SEMA3A: variants seen among roughly 807,000 people sequenced by gnomAD.
SEMA3A encodes the protein semaphorin 3A, also known as semaphorin-3A.
A neutral mutation model predicts 97.9 loss-of-function variants in SEMA3A; 29 were observed. The ratio of observed to expected loss-of-function variants is 0.30; its 90% CI spans 0.22 to 0.40. SEMA3A has a LOEUF of 0.40. SEMA3A is among the 10% of genes least tolerant of loss of function. The pLI is 1.00. For synonymous variants in SEMA3A, 321 were observed against 323.7 expected (o/e 0.99, Z 0.09); for missense variants, 763 against 951.3 (o/e 0.80, Z 2.60).
At chr7:84,082,231 T>C (rs1462268786) in intron 4 of SEMA3A, among the ~76,000 whole-genome samples, 2 of 152,194 alleles carry the variant, frequency 1.3e-5, no homozygotes, top group Non-Finnish European at 2.9e-5. Context: ...GCAAGAGGTA[T>C]ATGATTTTGA....
At chr7:84,171,804 AC>A (rs1797391318) in intron 1 of SEMA3A, among the ~76,000 whole-genome samples, 1 of 151,988 alleles carries the variant, frequency 6.6e-6, no homozygotes, top group African/African-American at 2.4e-5. Flanking sequence ...AATATTTTAA[AC>A]TTTTTTTACT....
chr7:84,216,871 T>G (rs1276230399), intron 3 of SEMA3A, among the ~76,000 whole-genome samples: 1 of 152,166 alleles, frequency 6.6e-6, no homozygotes, highest in Non-Finnish European at 1.5e-5. Flanking sequence ...CATTATGCTT[T>G]ACTTAGCATT....
chr7:84,228,256 A>C (rs2116350079), intron 3 of SEMA3A, among the ~76,000 whole-genome samples: 1 of 152,170 alleles, frequency 6.6e-6, no homozygotes, highest in Non-Finnish European at 1.5e-5. Context: ...AAATAGAAAT[A>C]ATCTTAACCA....
chr7:84,458,291 A>C (rs918626147), intron 1 of SEMA3A, among the ~76,000 whole-genome samples: 1 of 152,012 alleles, frequency 6.6e-6, no homozygotes, highest in African/African-American at 2.4e-5. Context: ...TGTTAATTTA[A>C]CATGTACACC....
intron 3 of SEMA3A, among the ~76,000 whole-genome samples, chr7:84,243,536 T>C (rs757007041): frequency 1.4e-4 from 22 of 152,180 alleles, no homozygotes; most frequent in Admixed American, 3.3e-4. Context: ...TTCTTCTCTC[T>C]CTTCTTCTTT....
intron 6 of SEMA3A, among the ~76,000 whole-genome samples, chr7:84,023,153 G>T (rs559550472): frequency 6.6e-6 from 1 of 152,220 alleles, no homozygotes; most frequent in African/African-American, 2.4e-5. Flanking sequence ...TGTCCTTCAG[G>T]TGCAATCTTA....
chr7:84,226,966 A>T (rs1206164900), intron 3 of SEMA3A, among the ~76,000 whole-genome samples: 1 of 152,044 alleles, frequency 6.6e-6, no homozygotes, highest in Non-Finnish European at 1.5e-5. Flanking sequence ...TTAACGCTTG[A>T]GGATTTTTCT....
At chr7:84,330,677 T>C (rs1219534966) in intron 2 of SEMA3A, among the ~76,000 whole-genome samples, 1 of 152,140 alleles carries the variant, frequency 6.6e-6, no homozygotes, top group Non-Finnish European at 1.5e-5. Context: ...GTACATGGGA[T>C]ATGGTAGTTG....
intron 3 of SEMA3A, among the ~76,000 whole-genome samples, chr7:84,256,994 G>A (rs11976376): frequency 6.6e-5 from 10 of 151,640 alleles, no homozygotes; most frequent in Admixed American, 1.3e-4. Context: ...GTTTTCTCAC[G>A]GCATAGGTAT....
At chr7:84,459,476 G>C (rs1474649305) in intron 1 of SEMA3A, among the ~76,000 whole-genome samples, 1 of 152,056 alleles carries the variant, frequency 6.6e-6, no homozygotes, top group Non-Finnish European at 1.5e-5. Context: ...TGTAATCTTT[G>C]TAGCAGGTAA....
At chr7:84,415,705 G>A (rs75291368) in intron 1 of SEMA3A, among the ~76,000 whole-genome samples, 3,989 of 152,052 alleles carry the variant, frequency 0.026, 163 homozygotes, top group African/African-American at 0.09. Flanking sequence ...AATGAAATAT[G>A]TAGCATGTTT....
Position 84,019,181 on chromosome 7 carries a change from G to T in SEMA3A, c.668-4830C>A, listed in dbSNP as rs542169651. ...AAAGAAACTTCTGATTTGAATAATT[G>T]CTTGTAGAGGAGATACTAAGAGAGC... On this transcript the variant is annotated intron_variant, in intron 6 of 16. Coordinates refer to ENST00000265362, the MANE Select transcript of SEMA3A (RefSeq NM_006080.3). Among the ~76,000 whole-genome samples the T allele has an allele frequency of 2.9e-5, 4 of 140,220 alleles. No homozygotes were observed. In the South Asian group the frequency reaches 9.0e-4, roughly 32 times the overall value. The allele number at this position is 140,220 out of a possible 152,430, so 92.0% of individuals were successfully genotyped here.
At chr7:83,985,732 C>T (rs1240910981) in intron 12 of SEMA3A, among the ~76,000 whole-genome samples, 1 of 152,044 alleles carries the variant, frequency 6.6e-6, no homozygotes, top group Non-Finnish European at 1.5e-5. Context: ...TTGCTTACTA[C>T]AATATAAGGG....
Position 84,001,997 on chromosome 7 carries a change from ATAC to A in SEMA3A, c.1407_1409del (p.Trp469_Tyr470delinsCys). The A allele has an allele frequency of 6.2e-7, 1 of 1,612,962 alleles. No individual in the cohort carries two copies. Among genetic ancestry groups the A allele is most frequent in the Non-Finnish European group, 8.5e-7 (1 of 1,179,386 alleles). On this transcript the variant is annotated inframe_deletion, in exon 12 of 17. Coordinates refer to ENST00000265362, the MANE Select transcript of SEMA3A (RefSeq NM_006080.3). ...CTTCCAGCAGAACCTCTTCTAAATC[ATAC>A]CAAGTCTCCTTAGGAATTGAAACTA...
intron 2 of SEMA3A, among the ~76,000 whole-genome samples, chr7:84,349,808 T>C (rs1311273780): frequency 6.6e-6 from 1 of 152,202 alleles, no homozygotes; most frequent in Non-Finnish European, 1.5e-5. Context: ...TATAGGTCTT[T>C]TTTTTCCACT....
At chr7:84,459,518 A>AAATAAAC (rs1194776680) in intron 1 of SEMA3A, among the ~76,000 whole-genome samples, 2 of 152,168 alleles carry the variant, frequency 1.3e-5, no homozygotes, top group Admixed American at 1.3e-4. Context: ...AGTAGAGATG[A>AAATAAAC]AATAAACTAG....
At chr7:84,300,630 T>A (rs1387367065) in intron 3 of SEMA3A, among the ~76,000 whole-genome samples, 1 of 151,762 alleles carries the variant, frequency 6.6e-6, no homozygotes, top group Admixed American at 6.6e-5. Flanking sequence ...AAAAACATTA[T>A]CAAATATCAA....
At chr7:84,365,378 A>C (rs1008037499) in intron 2 of SEMA3A, among the ~76,000 whole-genome samples, 3 of 151,574 alleles carry the variant, frequency 2.0e-5, no homozygotes, top group African/African-American at 4.8e-5. Context: ...CTCTCTCTGC[A>C]TTTATTTTAT....
At chr7:84,040,651 C>T (rs1046121336) in intron 6 of SEMA3A, among the ~76,000 whole-genome samples, 4 of 152,044 alleles carry the variant, frequency 2.6e-5, no homozygotes, top group Admixed American at 6.6e-5. Flanking sequence ...CTTGGTAAAT[C>T]TCTTGCTTGA....
Sources: gnomAD v4.1 joint callset for allele counts (sites outside exome capture counted in the v4.1 genomes callset) on GRCh38, gnomAD v4.1.1 for gene constraint, MANE v1.5 for transcripts, NCBI Gene and HGNC (gene_info 2026-07-23, HGNC 2026-07-21) for gene names.